Variants in SULT1A2 observed in about 807,000 individuals in gnomAD.
SULT1A2 encodes sulfotransferase family 1A member 2.
SULT1A2 carries 33 observed loss-of-function variants against 36.0 expected under a neutral mutation model. The ratio of observed to expected loss-of-function variants is 0.92; its 90% CI spans 0.69 to 1.22. SULT1A2 has a LOEUF of 1.22. Ranked by LOEUF, SULT1A2 falls within the 50% of genes most tolerant of loss-of-function variation. The pLI, the probability that SULT1A2 is intolerant of heterozygous loss-of-function variation, is 0.00. For synonymous variants in SULT1A2, 138 were observed against 144.5 expected, an observed-to-expected ratio of 0.96 and a Z score of 0.32; for missense variants, 367 against 383.2, an observed-to-expected ratio of 0.96 and a Z score of 0.35.
Position 28,595,367 on chromosome 16 carries a change from C to G in SULT1A2, c.372G>C (p.Lys124Asn). Residue 124 changes from lysine (K) to asparagine (N), a missense_variant and splice_region_variant, in exon 4 of 8, where the codon AAG becomes AAC. Physicochemically the swap from Lys to Asn is moderately conservative, Grantham distance 94 (BLOSUM62 0). Transcript: ENST00000335715. ...LPQTLLDQKVKVVYVARNAKD... is the reference protein window; with the variant it reads ...LPQTLLDQKVNVVYVARNAKD... ...TGTGAACCACTGTGCCCAGTCTCAC[C>G]TTGACCTTCTGATCCAACAGAGTCT... The G allele has an allele frequency of 6.2e-7, 1 of 1,614,012 alleles. No homozygotes were observed. Among genetic ancestry groups the G allele is most frequent in the Non-Finnish European group, 8.5e-7 (1 of 1,179,940 alleles).
Position 28,592,339 on chromosome 16 carries a change from C to T in SULT1A2, c.699G>A (p.Lys233=). The change falls in exon 7 of 8, where the codon AAG becomes AAA. Residue 233 remains lysine (K), a synonymous_variant. Coordinates refer to ENST00000335715, the MANE Select transcript of SULT1A2 (RefSeq NM_001054.4). ...MVEHTSFKEM[K]KNPMTNYTTV... ...TGGTGTAGTTGGTCATAGGGTTCTT[C>T]TTCATCTCCTTGAACGACGTGTGCT... 1 of 1,613,866 alleles carries T rather than the reference C, an allele frequency of 6.2e-7. No homozygotes were observed. The highest frequency in any genetic ancestry group is 2.2e-5 in the East Asian group (1 of 44,884).
rs895961707 is a variant in SULT1A2 at position 28,594,117 on chromosome 16, G to T, written c.373-549C>A. Reference sequence around the variant, plus strand: ...GTTTTTTTTTTTTTTTGGGGGGGGGGACTCTAGGTCTCAAAAAAAAGAGAA... The same window carrying T: ...GTTTTTTTTTTTTTTTGGGGGGGGGTACTCTAGGTCTCAAAAAAAAGAGAA... On this transcript the variant is annotated intron_variant, in intron 4 of 7. Transcript: ENST00000335715. Among the ~76,000 whole-genome samples, 32 of 145,252 alleles carry T rather than the reference G, an allele frequency of 2.2e-4. No individual in the cohort carries two copies. In the East Asian group the frequency reaches 3.9e-3, roughly 18 times the overall value.
At chr16:28,592,558 G>T in intron 6 of SULT1A2, 115 bp from the exon 7 acceptor site, 1 of 1,564,952 alleles carries the variant, frequency 6.4e-7, no homozygotes, top group South Asian at 1.2e-5. Flanking sequence ...AAAACCCATA[G>T]AGCCAGCTCC....
rs764395768 is a variant in SULT1A2, at chr16:28,595,470, C to T, written c.275-6G>A. On this transcript the variant is annotated splice_polypyrimidine_tract_variant and splice_region_variant and intron_variant, in intron 3 of 7. Transcript: ENST00000335715. ...GTTTTTCAGAGTCTCCATCCCTGAG[C>T]AGTGGGTCAGGGAAGGTCTGGTGAG... 1.2e-6 allele frequency: 2 copies of T among 1,614,068 alleles called. No homozygotes were observed. The highest frequency in any genetic ancestry group is 1.7e-6 in the Non-Finnish European group (2 of 1,180,000).
rs748850872 is a variant in SULT1A2, at chr16:28,592,466, G to A, written c.595-23C>T. ...GTTCTGAGCAGCAGAGGGCTCCTCA[G>A]TGGAGGCTTGGATTGCTGATTCAGG... On this transcript the variant is annotated intron_variant, in intron 6 of 7. Coordinates refer to ENST00000335715, the MANE Select transcript of SULT1A2 (RefSeq NM_001054.4). 14 of 1,614,180 alleles carry A rather than the reference G, an allele frequency of 8.7e-6. No homozygotes were observed. In the Middle Eastern group the frequency reaches 8.2e-4, roughly 95 times the overall value.
At position 28,592,573 on chromosome 16, in the gene SULT1A2, C is replaced by A. The variant is rs892861034; in HGVS notation, c.595-130G>T. 3.3e-6 allele frequency: 5 copies of A among 1,519,314 alleles called. No homozygotes were observed. In the African/African-American group the frequency reaches 4.2e-5, roughly 13 times the overall value. The allele number at this position is 1,519,314 out of a possible 1,614,324, so 94.1% of individuals were successfully genotyped here. A position where few individuals can be genotyped will look rare whatever the true frequency, so the allele number is the denominator to read the frequency against. On this transcript the variant is annotated intron_variant, in intron 6 of 7. Transcript: ENST00000335715. ...AAAACCCATAGAGCCAGCTCCTCGA[C>A]CCCTGGGACCCCAGTCCCTGGGGCA...
chr16:28,594,042 T>C (rs1411037467), intron 4 of SULT1A2, among the ~76,000 whole-genome samples: 1 of 150,182 alleles, frequency 6.7e-6, no homozygotes, highest in Non-Finnish European at 1.5e-5. Context: ...CCTCCTTCCC[T>C]GGATTCACAT....
intron 1 of SULT1A2, 130 bp from the exon 2 acceptor site, chr16:28,596,064 A>G: frequency 6.4e-7 from 1 of 1,561,978 alleles, no homozygotes; most frequent in Non-Finnish European, 8.7e-7. Flanking sequence ...TCACAAGGCC[A>G]GTCAGTGGCG....
Position 28,593,583 on chromosome 16 carries a change from G to A in SULT1A2, c.373-15C>T, listed in dbSNP as rs1237030517. On this transcript the variant is annotated splice_polypyrimidine_tract_variant and intron_variant, in intron 4 of 7. Coordinates refer to ENST00000335715, the MANE Select transcript of SULT1A2 (RefSeq NM_001054.4). ...ACATAGACCACCTGCAGGGGCAGAA[G>A]ACTCAACCCCAGCACCATCACCACA... 2 of 1,613,862 alleles carry A rather than the reference G, an allele frequency of 1.2e-6. No homozygotes were observed. Among genetic ancestry groups the A allele is most frequent in the African/African-American group, 2.7e-5 (2 of 74,920 alleles).
chr16:28,595,412 C>T lies in SULT1A2; in HGVS notation c.327G>A (p.Leu109=). 4 of 1,614,084 alleles carry T rather than the reference C, an allele frequency of 2.5e-6. No homozygotes were observed. Among genetic ancestry groups the T allele is most frequent in the Non-Finnish European group, 3.4e-6 (4 of 1,180,020 alleles). ...GAGTCTGGGGGAGCAGAGCCAGGGG[C>T]AGGTGTGTCTTCAGGAGTCGTGGGG... ...TPAPRLLKTH[L]PLALLPQTLL... Residue 109 remains leucine (L), a synonymous_variant, in exon 4 of 8, where the codon CTG becomes CTA. Coordinates refer to ENST00000335715, the MANE Select transcript of SULT1A2 (RefSeq NM_001054.4).
At chr16:28,594,092 G>GT (rs545331312) in intron 4 of SULT1A2, among the ~76,000 whole-genome samples, 514 of 124,526 alleles carry the variant, frequency 4.1e-3, no homozygotes, top group African/African-American at 6.2e-3. Context: ...TTTTGTTGTG[G>GT]TTTTTTTTTT....
In SULT1A2 at chr16:28,595,645, A is replaced by G. The variant is rs769934250; in HGVS notation, c.179T>C (p.Met60Thr). Residue 60 changes from methionine to threonine, a missense_variant, in exon 3 of 8, where the codon ATG becomes ACG. Met to Thr is a moderately conservative substitution (Grantham distance 81). Transcript: ENST00000335715. ...TTCCAGGTCACCGCCCTGGTAGATC[A>G]TGTCCAGAATCTGGCTCACCCAGGT... Reference protein sequence around the residue: ...GTTWVSQILDMIYQGGDLEKC... With the variant: ...GTTWVSQILDTIYQGGDLEKC... The G allele has an allele frequency of 8.7e-6, 14 of 1,614,022 alleles. No homozygotes were observed. In the South Asian group the frequency reaches 1.3e-4, roughly 15 times the overall value.
At chr16:28,596,386 T>G (rs972369309) in intron 1 of SULT1A2, 2 of 1,096,908 alleles carry the variant, frequency 1.8e-6, no homozygotes, top group Admixed American at 9.3e-5. Context: ...TTCCCCTCCT[T>G]GAGCCCCTCG....
At position 28,593,250 on chromosome 16, in the gene SULT1A2, A is replaced by G. The variant is rs2047016433; in HGVS notation, c.594+2T>C. 4 of 1,613,152 alleles carry G rather than the reference A, an allele frequency of 2.5e-6. No homozygotes were observed. The highest frequency in any genetic ancestry group is 1.3e-5 in the African/African-American group (1 of 74,928). ...GGAGGGAAGCATCAAAGGCGGTCTC[A>G]CCTCCTTCATGTCTTCATAGAAGAG... On this transcript the variant is annotated splice_donor_variant, in intron 6 of 7. Coordinates refer to ENST00000335715, the MANE Select transcript of SULT1A2 (RefSeq NM_001054.4). LOFTEE classifies it high-confidence loss of function.
intron 6 of SULT1A2, among the ~76,000 whole-genome samples, chr16:28,592,809 C>T (rs1175919910): frequency 6.6e-6 from 1 of 152,178 alleles, no homozygotes; most frequent in African/African-American, 2.4e-5. Flanking sequence ...GCAGGCGGAT[C>T]ACCTGAGCTC....
At chr16:28,592,738 C>G (rs1359232846) in intron 6 of SULT1A2, among the ~76,000 whole-genome samples, 3 of 152,198 alleles carry the variant, frequency 2.0e-5, no homozygotes, top group African/African-American at 4.8e-5. Flanking sequence ...GAATAGATAG[C>G]TGATCTGTGG....
At chr16:28,596,878 C>T in intron 1 of SULT1A2, 119 bp downstream of exon 1, 1 of 684,924 alleles carries the variant, frequency 1.5e-6, no homozygotes, top group Non-Finnish European at 2.0e-6. Context: ...CCGGGGTTGT[C>T]TGAAATGGGA....
rs1050686680 is a variant in SULT1A2, at chr16:28,591,973, C to T, written c.*55G>A. 16 of 1,611,652 alleles carry T rather than the reference C, an allele frequency of 9.9e-6. No homozygotes were observed. Among genetic ancestry groups the T allele is most frequent in the African/African-American group, 1.3e-5 (1 of 74,872 alleles). ...CACAAATCATACTTTATTCTGGAGC[C>T]TCTTGGTCAGGCTTGATTCGCACAC... On this transcript the variant is annotated 3_prime_UTR_variant, in exon 8 of 8. Transcript: ENST00000335715.
Position 28,595,589 on chromosome 16 carries a change from C to A in SULT1A2, c.235G>T (p.Val79Leu). 1 of 1,614,188 alleles carries A rather than the reference C, an allele frequency of 6.2e-7. No homozygotes were observed. Among genetic ancestry groups the A allele is most frequent in the Non-Finnish European group, 8.5e-7 (1 of 1,180,022 alleles). The change falls in exon 3 of 8, where the codon GTG becomes TTG. Residue 79 changes from valine to leucine, a missense_variant. Coordinates refer to ENST00000335715, the MANE Select transcript of SULT1A2 (RefSeq NM_001054.4). ...KCHRAPIFMR[V>L]PFLEFKVPGI... ...GGGACTTTGAACTCAAGGAAGGGCA[C>A]CCGCATGAAGATGGGAGCTCGGTGA...
Sources: allele counts gnomAD v4.1 joint callset (sites outside exome capture counted in the v4.1 genomes callset), GRCh38; gene constraint gnomAD v4.1.1; transcripts MANE v1.5; gene names NCBI Gene and HGNC (gene_info 2026-07-23, HGNC 2026-07-21).